STX8: variants seen among roughly 807,000 people sequenced by gnomAD.
The protein encoded by STX8 is syntaxin-8.
Under a neutral mutation model 37.5 loss-of-function variants are expected in STX8, and 23 were observed. The observed-to-expected ratio is 0.61, with a 90% CI of 0.44 to 0.87. STX8 has a LOEUF of 0.87. Ranked by LOEUF, STX8 falls within the 40% of genes least tolerant of loss-of-function variation. The pLI is 0.00. For synonymous variants in STX8, 115 were observed against 99.1 expected (o/e 1.16, Z -0.95); for missense variants, 313 against 284.7 (o/e 1.10, Z -0.71).
chr17:9,274,348 G>A (rs948220406), intron 7 of STX8, among the ~76,000 whole-genome samples: 5 of 151,934 alleles, frequency 3.3e-5, no homozygotes, highest in Non-Finnish European at 5.9e-5. Flanking sequence ...CCAAATTCAC[G>A]AGTGATATAG....
intron 7 of STX8, among the ~76,000 whole-genome samples, chr17:9,320,463 A>G (rs539005395): frequency 4.6e-5 from 7 of 152,244 alleles, no homozygotes; most frequent in Non-Finnish European, 5.9e-5. Flanking sequence ...TGATTTGGGA[A>G]TTACAGGGAG....
At chr17:9,498,119 G>C (rs12949005) in intron 5 of STX8, among the ~76,000 whole-genome samples, 12,937 of 150,346 alleles carry the variant, frequency 0.086, 695 homozygotes, top group South Asian at 0.15. Flanking sequence ...CAGGTGCAGT[G>C]GCTCACGCCT....
chr17:9,270,450 C>T lies in STX8; in HGVS notation c.644-19805G>A, dbSNP rs576749298. ...TTGTATTTTTTAGTAGAGACAGGGT[C>T]TCACCATGTTAGCCAGGAATGGTCT... On this transcript the variant is annotated intron_variant, in intron 7 of 7. Coordinates refer to ENST00000306357, the MANE Select transcript of STX8 (RefSeq NM_004853.3). 7.9e-5 allele frequency among the ~76,000 whole-genome samples: 12 copies of T among 151,898 alleles called. No homozygotes were observed. In the South Asian group the frequency reaches 2.3e-3, roughly 29 times the overall value.
intron 7 of STX8, among the ~76,000 whole-genome samples, chr17:9,330,389 G>A (rs1909921240): frequency 6.6e-6 from 1 of 152,170 alleles, no homozygotes; most frequent in Non-Finnish European, 1.5e-5. Flanking sequence ...CAAGTTGGGA[G>A]TGAGGTTGTG....
At chr17:9,399,533 G>A (rs1392038373) in intron 6 of STX8, among the ~76,000 whole-genome samples, 3 of 152,124 alleles carry the variant, frequency 2.0e-5, no homozygotes, top group Non-Finnish European at 2.9e-5. Flanking sequence ...AACATCCCAA[G>A]CCTGCCCTGT....
intron 6 of STX8, among the ~76,000 whole-genome samples, chr17:9,379,757 T>C (rs1911727840): frequency 6.6e-6 from 1 of 151,962 alleles, no homozygotes; most frequent in South Asian, 2.1e-4. Context: ...TCACCTGAGG[T>C]TGGGAGTTCG....
At chr17:9,558,653 C>T (rs1907080580) in intron 2 of STX8, among the ~76,000 whole-genome samples, 1 of 151,944 alleles carries the variant, frequency 6.6e-6, no homozygotes, top group Admixed American at 6.6e-5. Context: ...GAAACCCCGT[C>T]TCTACTAAAA....
chr17:9,283,704 C>G (rs1486341688), intron 7 of STX8, among the ~76,000 whole-genome samples: 1 of 152,188 alleles, frequency 6.6e-6, no homozygotes, highest in Non-Finnish European at 1.5e-5. Context: ...ATGCATCTTT[C>G]AAAATTAAAA....
At chr17:9,296,175 G>A (rs1466922534) in intron 7 of STX8, among the ~76,000 whole-genome samples, 2 of 151,398 alleles carry the variant, frequency 1.3e-5, no homozygotes, top group African/African-American at 4.9e-5. Flanking sequence ...GGGAGACAGA[G>A]TGAGACTCCG....
chr17:9,460,478 G>C (rs1016229621), intron 6 of STX8, among the ~76,000 whole-genome samples: 3 of 152,100 alleles, frequency 2.0e-5, no homozygotes, highest in African/African-American at 7.2e-5. Flanking sequence ...TTCAAGACCA[G>C]CTTGGCCAAC....
At chr17:9,362,828 CA>C (rs765809132) in intron 7 of STX8, among the ~76,000 whole-genome samples, 50 of 102,136 alleles carry the variant, frequency 4.9e-4, no homozygotes, top group Admixed American at 1.2e-3. Flanking sequence ...GACTCCGTCT[CA>C]AAAAAAAAAA....
At chr17:9,571,853 T>G (rs1181632431) in intron 1 of STX8, among the ~76,000 whole-genome samples, 1 of 151,684 alleles carries the variant, frequency 6.6e-6, no homozygotes, top group Non-Finnish European at 1.5e-5. Flanking sequence ...AGGCAGAGGT[T>G]GCAGTGAGCC....
At chr17:9,564,760 G>A (rs1354414939) in intron 2 of STX8, among the ~76,000 whole-genome samples, 2 of 152,170 alleles carry the variant, frequency 1.3e-5, no homozygotes, top group Non-Finnish European at 1.5e-5. Context: ...AAGCAATATC[G>A]TTAAAATGGC....
chr17:9,557,129 G>A (rs1266549302), intron 3 of STX8: 8 of 243,856 alleles, frequency 3.3e-5, no homozygotes, highest in Admixed American at 4.5e-5. Context: ...GGTCAAGGCG[G>A]TCTAGACAGA....
intron 6 of STX8, among the ~76,000 whole-genome samples, chr17:9,465,624 G>A (rs892169031): frequency 6.6e-6 from 1 of 152,170 alleles, no homozygotes; most frequent in Non-Finnish European, 1.5e-5. Context: ...GAAAAGGCGA[G>A]TTCAAACATT....
intron 4 of STX8, among the ~76,000 whole-genome samples, chr17:9,517,125 C>T (rs1195275605): frequency 6.6e-6 from 1 of 152,126 alleles, no homozygotes; most frequent in Non-Finnish European, 1.5e-5. Context: ...CTGACTCCTC[C>T]ATCTAAAATA....
At chr17:9,396,176 T>C (rs1304928321) in intron 6 of STX8, among the ~76,000 whole-genome samples, 1 of 152,188 alleles carries the variant, frequency 6.6e-6, no homozygotes, top group East Asian at 1.9e-4. Flanking sequence ...CAGCTCTGAA[T>C]GAAATAATTT....
intron 4 of STX8, among the ~76,000 whole-genome samples, chr17:9,525,455 T>G (rs1905528069): frequency 6.6e-6 from 1 of 151,802 alleles, no homozygotes; most frequent in South Asian, 2.1e-4. Context: ...CACACCATTC[T>G]CCTGCCTCAG....
intron 6 of STX8, among the ~76,000 whole-genome samples, chr17:9,402,226 T>TCC (rs1249740473): frequency 6.6e-6 from 1 of 152,068 alleles, no homozygotes; most frequent in East Asian, 1.9e-4. Context: ...TTCAAGCGAT[T>TCC]CTCCTGCCTC....
Sources: allele counts gnomAD v4.1 joint callset (sites outside exome capture counted in the v4.1 genomes callset), GRCh38; gene constraint gnomAD v4.1.1; transcripts MANE v1.5; gene names NCBI Gene and HGNC (gene_info 2026-07-23, HGNC 2026-07-21).